MGAM: variants seen among roughly 807,000 people sequenced by gnomAD.
MGAM encodes alpha-1,4-glucosidase.
MGAM carries 253 observed loss-of-function variants against 358.8 expected under a neutral mutation model. That is an observed-to-expected ratio of 0.71 (90% CI 0.64 to 0.78). The LOEUF (loss-of-function observed/expected upper bound fraction) is 0.78, where lower values mean the gene tolerates loss of function less well. Among genes scored for constraint, MGAM ranks in the 30% least tolerant of loss-of-function variants. The pLI is 0.00. For synonymous variants in MGAM, 1,105 were observed against 1,227.1 expected (o/e 0.90, Z 2.08); for missense variants, 3,080 against 3,432.6 (o/e 0.90, Z 2.57).
chr7:141,997,409 A>G (rs1486179279), intron 1 of MGAM, among the ~76,000 whole-genome samples: 2 of 152,132 alleles, frequency 1.3e-5, no homozygotes, highest in African/African-American at 4.8e-5. Context: ...GCTTGTTGCT[A>G]TTTCAGTCAC....
chr7:142,015,163 ATC>A (rs1269671035), intron 3 of MGAM, among the ~76,000 whole-genome samples: 2 of 152,118 alleles, frequency 1.3e-5, no homozygotes, highest in African/African-American at 4.8e-5. Context: ...ATTGGTGAAC[ATC>A]TCTCATTTAG....
chr7:142,024,901 T>A, intron 7 of MGAM, 149 bp from the exon 8 acceptor site: 1 of 600,330 alleles, frequency 1.7e-6, no homozygotes, highest in Admixed American at 3.0e-5. Flanking sequence ...CAACTAGATA[T>A]AGACCCCATC....
chr7:142,011,465 T>TA (rs1372804764), intron 3 of MGAM, among the ~76,000 whole-genome samples: 8 of 152,152 alleles, frequency 5.3e-5, no homozygotes, highest in Non-Finnish European at 7.4e-5. Flanking sequence ...GATAAAAACT[T>TA]AAAGTCTTAA....
At chr7:142,073,679 GA>G (rs1171626694) in intron 44 of MGAM, among the ~76,000 whole-genome samples, 1 of 146,232 alleles carries the variant, frequency 6.8e-6, no homozygotes, top group Admixed American at 6.9e-5. Context: ...TTAGGCAGGC[GA>G]AAATGTATCT....
At position 142,105,927 on chromosome 7, in the gene MGAM, C is replaced by A; in HGVS notation, c.*36C>A. 1 of 1,460,384 alleles carries A rather than the reference C, an allele frequency of 6.8e-7. No individual in the cohort carries two copies. Among genetic ancestry groups the A allele is most frequent in the Non-Finnish European group, 9.6e-7 (1 of 1,040,736 alleles). 90.5% of individuals were successfully genotyped at this position (1,460,384 alleles called of 1,614,324 possible). ...CAAGATTCTAACTAACTATGAATGA[C>A]TTTGAAACTACTTATACTTCATACT... On this transcript the variant is annotated 3_prime_UTR_variant, in exon 71 of 71. Transcript: ENST00000475668.
chr7:142,011,985 A>C (rs1029448895), intron 3 of MGAM, among the ~76,000 whole-genome samples: 13 of 152,192 alleles, frequency 8.5e-5, no homozygotes, highest in African/African-American at 2.4e-4. Context: ...CAGAGTCGAG[A>C]CTAATTTTAT....
At chr7:142,042,193 C>A (rs866714393) in intron 21 of MGAM, among the ~76,000 whole-genome samples, 24 of 638 alleles carry the variant, frequency 0.038, 6 homozygotes, top group African/African-American at 0.13. Flanking sequence ...ATTATATATA[C>A]ATATAATATA....
At chr7:142,049,326 T>C (rs1810713643) in intron 22 of MGAM, among the ~76,000 whole-genome samples, 1 of 152,206 alleles carries the variant, frequency 6.6e-6, no homozygotes, top group African/African-American at 2.4e-5. Context: ...AACTTAAATG[T>C]AAGGGTTGAA....
At chr7:142,013,013 A>T (rs142448841) in intron 3 of MGAM, among the ~76,000 whole-genome samples, 1 of 152,164 alleles carries the variant, frequency 6.6e-6, no homozygotes, top group East Asian at 1.9e-4. Context: ...TGTTGATCAG[A>T]TCAGTCTCAG....
chr7:142,061,371 C>T (rs1355902061), intron 34 of MGAM, among the ~76,000 whole-genome samples: 12 of 152,102 alleles, frequency 7.9e-5, no homozygotes, highest in Non-Finnish European at 1.2e-4. Context: ...TTCTCTTTGT[C>T]GGGTTTCCTG....
chr7:142,051,019 C>T (rs1810902843), intron 24 of MGAM, among the ~76,000 whole-genome samples, 155 bp downstream of exon 24: 1 of 151,810 alleles, frequency 6.6e-6, no homozygotes. Flanking sequence ...ATGAGGTGGC[C>T]AGAGCTAGAA....
chr7:142,024,787 A>G (rs1247282918), intron 7 of MGAM, among the ~76,000 whole-genome samples: 9 of 152,210 alleles, frequency 5.9e-5, no homozygotes, highest in Non-Finnish European at 1.3e-4. Flanking sequence ...AAAAATTCCT[A>G]TCCTCTTACC....
intron 47 of MGAM, 125 bp from the exon 48 acceptor site, chr7:142,078,192 TG>T (rs1286898920): frequency 1.3e-6 from 1 of 772,358 alleles, no homozygotes; most frequent in African/African-American, 1.7e-5. Context: ...ATATGTTGCT[TG>T]GATGGTTGAA....
rs1812613439 is a variant in MGAM at position 142,065,326 on chromosome 7, T to C, written c.4485-9T>C. 2 of 1,606,286 alleles carry C rather than the reference T, an allele frequency of 1.2e-6. No homozygotes were observed. The highest frequency in any genetic ancestry group is 1.7e-6 in the Non-Finnish European group (2 of 1,176,962). ...TGCCTCAGTTCACCTCCTGTTCCCT[T>C]CCAAGCAGAGCCGTGCAGGAGGTGA... On this transcript the variant is annotated splice_polypyrimidine_tract_variant and intron_variant, in intron 37 of 70. Transcript: ENST00000475668.
chr7:142,052,353 C>A lies in MGAM; in HGVS notation c.2865C>A (p.Ser955Arg). 1 of 1,610,748 alleles carries A rather than the reference C, an allele frequency of 6.2e-7. No homozygotes were observed. Among genetic ancestry groups the A allele is most frequent in the South Asian group, 1.1e-5 (1 of 90,370 alleles). The change falls in exon 25 of 71, where the codon AGC becomes AGA. Residue 955 changes from serine (S) to arginine (R), a missense_variant. Physicochemically the swap from Ser to Arg is moderately radical, Grantham distance 110. Transcript: ENST00000475668. ...GAGAAGCATACACAGTGGAATGGAG[C>A]ATAAAGATAAGGGATGAAGAAAAAA... is the stretch of plus-strand genomic sequence containing the variant. The part of the protein sequence containing the change: ...LLGEAYTVEW[S>R]IKIRDEEKID...
intron 21 of MGAM, among the ~76,000 whole-genome samples, chr7:142,042,586 T>C (rs1234392911): frequency 4.9e-5 from 1 of 20,284 alleles, no homozygotes; most frequent in African/African-American, 1.9e-4. Flanking sequence ...ATATATTATA[T>C]ATACATATTA....
In MGAM at chr7:142,056,918, G is replaced by A; in HGVS notation, c.3669G>A (p.Glu1223=). ...ATGTGTTCTTGGGGCCGACTCCAGA[G>A]CTTGTCACCCAGCAGTACACTGAGG... The part of the protein sequence containing the change: ...DFYVFLGPTP[E]LVTQQYTELI... Residue 1223 remains glutamate, a synonymous_variant, in exon 30 of 71, where the codon GAG becomes GAA. Coordinates refer to ENST00000475668, the MANE Select transcript of MGAM (RefSeq NM_001365693.1). The A allele has an allele frequency of 6.2e-7, 1 of 1,613,874 alleles. No homozygotes were observed. The highest frequency in any genetic ancestry group is 8.5e-7 in the Non-Finnish European group (1 of 1,179,824).
intron 43 of MGAM, among the ~76,000 whole-genome samples, chr7:142,069,206 T>C (rs73740256): frequency 0.058 from 8,445 of 146,114 alleles, 983 homozygotes; most frequent in African/African-American, 0.12. Context: ...GATTAGGCAA[T>C]GTGCAAAACA....
intron 10 of MGAM, 102 bp downstream of exon 10, chr7:142,027,837 A>G: frequency 4.7e-6 from 6 of 1,286,888 alleles, no homozygotes; most frequent in Non-Finnish European, 6.1e-6. Flanking sequence ...TGATTTATTT[A>G]TTTGGTAATG....
Sources: allele counts gnomAD v4.1 joint callset (sites outside exome capture counted in the v4.1 genomes callset), GRCh38; gene constraint gnomAD v4.1.1; transcripts MANE v1.5; gene names NCBI Gene and HGNC (gene_info 2026-07-23, HGNC 2026-07-21).